COMT: variants seen among roughly 807,000 people sequenced by gnomAD.
The protein encoded by COMT is catechol-O-methyltransferase, also known as catechol O-methyltransferase.
In COMT, 13 loss-of-function variants were observed where a neutral mutation model predicts 18.9. That is an observed-to-expected ratio of 0.69 (90% CI 0.45 to 1.09). COMT has a LOEUF of 1.09. COMT is among the 50% of genes least tolerant of loss of function. The pLI, the probability that COMT is intolerant of heterozygous loss-of-function variation, is 0.00. For missense variants in COMT, 329 were observed against 361.8 expected, an observed-to-expected ratio of 0.91 and a Z score of 0.73; for synonymous variants, 150 against 160.9, an observed-to-expected ratio of 0.93 and a Z score of 0.51.
At chr22:19,959,029 G>T (rs541134681) in intron 1 of COMT, among the ~76,000 whole-genome samples, 1 of 152,334 alleles carries the variant, frequency 6.6e-6, no homozygotes, top group Admixed American at 6.5e-5. Flanking sequence ...AAGGTAAGGG[G>T]GGACTCTTGA....
At chr22:19,963,449 G>C in intron 3 of COMT, 117 bp from the exon 4 acceptor site, 2 of 1,227,294 alleles carry the variant, frequency 1.6e-6, no homozygotes, top group Admixed American at 4.0e-5. Context: ...AGGGCCAGCG[G>C]CCAGGCATTT....
At chr22:19,959,041 G>T (rs886423652) in intron 1 of COMT, among the ~76,000 whole-genome samples, 5 of 152,124 alleles carry the variant, frequency 3.3e-5, no homozygotes, top group Admixed American at 3.3e-4. Flanking sequence ...GACTCTTGAC[G>T]CTCCCCAGAC....
intron 2 of COMT, chr22:19,962,141 C>T: frequency 3.1e-6 from 1 of 319,826 alleles, no homozygotes; most frequent in South Asian, 3.2e-5. Context: ...AACTCCGGGC[C>T]ATGGGGCTTC....
chr22:19,945,463 G>GTTC (rs1450060721), intron 1 of COMT, among the ~76,000 whole-genome samples: 5 of 152,054 alleles, frequency 3.3e-5, no homozygotes, highest in African/African-American at 9.7e-5. Context: ...TTCCAATTGT[G>GTTC]TCCTGTTACA....
intron 1 of COMT, among the ~76,000 whole-genome samples, chr22:19,946,525 C>T (rs1941837542): frequency 6.6e-6 from 1 of 152,066 alleles, no homozygotes; most frequent in Non-Finnish European, 1.5e-5. Context: ...GAAGCCTACC[C>T]CATGGTACCT....
At chr22:19,963,107 G>C (rs776434064) in intron 3 of COMT, among the ~76,000 whole-genome samples, 22 of 152,134 alleles carry the variant, frequency 1.4e-4, no homozygotes, top group Non-Finnish European at 2.8e-4. Context: ...ACCTGCCTGG[G>C]GACCAGTCAG....
chr22:19,956,405 C>G (rs1298509214), intron 1 of COMT, among the ~76,000 whole-genome samples: 4 of 114,734 alleles, frequency 3.5e-5, no homozygotes, highest in Non-Finnish European at 4.9e-5. Flanking sequence ...GAGACGGAGT[C>G]TCGCTCTGTC....
chr22:19,959,524 C>A (rs942356745), intron 1 of COMT, among the ~76,000 whole-genome samples: 1 of 142,534 alleles, frequency 7.0e-6, no homozygotes, highest in Admixed American at 6.9e-5. Context: ...GGAGGGTGGG[C>A]GGGGAGGCCC....
intron 1 of COMT, among the ~76,000 whole-genome samples, chr22:19,960,654 T>C (rs2146159900): frequency 6.6e-6 from 1 of 152,358 alleles, no homozygotes; most frequent in South Asian, 2.1e-4. Flanking sequence ...CCTGCAGCTG[T>C]GGACAGGGGC....
chr22:19,960,323 G>A (rs1474077064), intron 1 of COMT, among the ~76,000 whole-genome samples: 1 of 152,160 alleles, frequency 6.6e-6, no homozygotes, highest in East Asian at 1.9e-4. Flanking sequence ...AGTCATTATA[G>A]ATAAACCATA....
At chr22:19,950,722 G>A in intron 1 of COMT, among the ~76,000 whole-genome samples, 1 of 152,122 alleles carries the variant, frequency 6.6e-6, no homozygotes, top group Non-Finnish European at 1.5e-5. Context: ...AAGTAGGGAA[G>A]TATGGAGGTG....
intron 4 of COMT, 111 bp from the exon 5 acceptor site, chr22:19,964,057 A>G: frequency 6.3e-7 from 1 of 1,599,354 alleles, no homozygotes; most frequent in Non-Finnish European, 8.6e-7. Context: ...TGGGTGTGTA[A>G]AGATGGCCTC....
rs1405490708 is a variant in COMT at position 19,964,269 on chromosome 22, C to A, written c.585C>A (p.Asp195Glu). The A allele has an allele frequency of 3.7e-6, 6 of 1,613,928 alleles. No individual in the cohort carries two copies. Among genetic ancestry groups the A allele is most frequent in the Non-Finnish European group, 5.1e-6 (6 of 1,180,042 alleles). ...TGGTCTTCCTCGACCACTGGAAGGACCGGTACCTGCCGGACACGCTTCTCT... is the reference window on the plus strand; with the variant it reads ...TGGTCTTCCTCGACCACTGGAAGGAACGGTACCTGCCGGACACGCTTCTCT... ...LDMVFLDHWK[D>E]RYLPDTLLLE... The change falls in exon 5 of 6, where the codon GAC (aspartate) becomes GAA (glutamate). Residue 195 changes from aspartate (D) to glutamate (E), a missense_variant. Physicochemically the swap from Asp to Glu is conservative, Grantham distance 45. Coordinates refer to ENST00000361682, the MANE Select transcript of COMT (RefSeq NM_000754.4).
rs1555924835 is a variant in COMT at position 19,968,739 on chromosome 22, G to GA, written c.*3_*4insA. ...CAGGCAGCGAAGCAGGGCCCTGACT[G>GA]CCCCCCCGGCCCCCCTCTCGGGCTC... On this transcript the variant is annotated 3_prime_UTR_variant, in exon 6 of 6. Coordinates refer to ENST00000361682, the MANE Select transcript of COMT (RefSeq NM_000754.4). 1.3e-6 allele frequency: 2 copies of GA among 1,595,110 alleles called. No homozygotes were observed. The highest frequency in any genetic ancestry group is 8.5e-7 in the Non-Finnish European group (1 of 1,169,946).
Position 19,968,910 on chromosome 22 carries a change from C to G in COMT, c.*174C>G. ...CTCTGAACTGCAACACTGGATTGTT[C>G]TTTTTTAAGACTCAATCATGACTTC... On this transcript the variant is annotated 3_prime_UTR_variant, in exon 6 of 6. Transcript: ENST00000361682. 1.6e-6 allele frequency: 1 copy of G among 624,676 alleles called. No homozygotes were observed. The highest frequency in any genetic ancestry group is 2.9e-6 in the Non-Finnish European group (1 of 349,304). 38.7% of individuals were successfully genotyped at this position (624,676 alleles called of 1,614,324 possible). A position where few individuals can be genotyped will look rare whatever the true frequency, so the allele number is the denominator to read the frequency against.
At chr22:19,958,616 C>T (rs1942118018) in intron 1 of COMT, among the ~76,000 whole-genome samples, 1 of 143,636 alleles carries the variant, frequency 7.0e-6, no homozygotes, top group South Asian at 2.2e-4. Context: ...CACGGTGGCT[C>T]ATGCATGTAA....
At position 19,944,305 on chromosome 22, in the gene COMT, G is replaced by A. The variant is rs183188011; in HGVS notation, c.-92+2408G>A. Among the ~76,000 whole-genome samples the A allele has an allele frequency of 2.0e-3, 305 of 152,312 alleles. 1 individual carries two copies. Among genetic ancestry groups the A allele is most frequent in the Non-Finnish European group, 3.2e-3 (219 of 68,036 alleles). ...TCATGCCTGTAATCCCAAGCACTTC[G>A]GGAGGCCGAGGTGGGCAAATCACCC... On this transcript the variant is annotated intron_variant, in intron 1 of 5. Transcript: ENST00000361682.
chr22:19,950,241 CT>C (rs55653258), intron 1 of COMT, among the ~76,000 whole-genome samples: 19,880 of 84,474 alleles, frequency 0.24, 568 homozygotes, highest in African/African-American at 0.32. Context: ...CTTTTCTTTT[CT>C]TTTTTTTTTT....
chr22:19,966,450 A>AAG (rs1241702081), intron 5 of COMT, among the ~76,000 whole-genome samples: 1 of 151,390 alleles, frequency 6.6e-6, no homozygotes, highest in African/African-American at 2.4e-5. Context: ...AAAAAAAAAA[A>AAG]AAAAAGAAAA....
Sources: gnomAD v4.1 joint callset for allele counts (sites outside exome capture counted in the v4.1 genomes callset) on GRCh38, gnomAD v4.1.1 for gene constraint, MANE v1.5 for transcripts, NCBI Gene and HGNC (gene_info 2026-07-23, HGNC 2026-07-21) for gene names.